Variants in KDM2B observed in about 807,000 individuals in gnomAD.
KDM2B encodes the protein lysine demethylase 2B, also known as lysine-specific demethylase 2B.
Under a neutral mutation model 150.0 loss-of-function variants are expected in KDM2B, and 26 were observed. The observed-to-expected ratio is 0.17, with a 90% CI of 0.13 to 0.24. KDM2B has a LOEUF of 0.24. Ranked by LOEUF, KDM2B falls within the 10% of genes least tolerant of loss-of-function variation. KDM2B has a pLI of 1.00. For synonymous variants in KDM2B, 734 were observed against 729.5 expected (o/e 1.01, Z -0.10); for missense variants, 1,265 against 1,816.9 (o/e 0.70, Z 5.52).
chr12:121,422,703 T>A, the KDM2B span, among the ~76,000 whole-genome samples: 1 of 152,238 alleles, frequency 6.6e-6, no homozygotes, highest in Non-Finnish European at 1.5e-5. Flanking sequence ...CATAGCCCTA[T>A]GGCCAAATCT....
At chr12:121,500,045 CTG>C (rs1245428473) in intron 11 of KDM2B, among the ~76,000 whole-genome samples, 1 of 152,104 alleles carries the variant, frequency 6.6e-6, no homozygotes, top group Admixed American at 6.6e-5. Context: ...CCGTTTCCCT[CTG>C]TGTGTGGCCC....
At chr12:121,464,890 G>A (rs1456076836) in intron 12 of KDM2B, among the ~76,000 whole-genome samples, 1 of 152,172 alleles carries the variant, frequency 6.6e-6, no homozygotes, top group African/African-American at 2.4e-5. Context: ...AAATGCTTTC[G>A]AGGTCCTCAG....
At position 121,549,902 on chromosome 12, in the gene KDM2B, A is replaced by G. The variant is rs1358099906; in HGVS notation, c.398-264T>C. 2.0e-5 allele frequency among the ~76,000 whole-genome samples: 3 copies of G among 152,230 alleles called. No homozygotes were observed. Among genetic ancestry groups the G allele is most frequent in the African/African-American group, 7.2e-5 (3 of 41,460 alleles). On this transcript the variant is annotated intron_variant, in intron 4 of 22. Transcript: ENST00000377071. The surrounding 1 kb of genome is among the most constrained non-coding windows in gnomAD (Gnocchi z 4.4). The stretch of plus-strand genomic sequence containing the variant: ...CCTAAAGGGGCCCAAGCAGCTGGGC[A>G]TGGTGGCTTAAGGCTGTAATCCCAG...
intron 9 of KDM2B, chr12:121,516,811 G>C (rs1037421660): frequency 8.5e-6 from 5 of 589,316 alleles, no homozygotes; most frequent in Admixed American, 5.6e-5. Context: ...TCAAGGACTT[G>C]AAAAAGTCAA....
At chr12:121,420,671 A>G in the KDM2B span, 1 of 1,614,166 alleles carries the variant, frequency 6.2e-7, no homozygotes, top group Admixed American at 1.7e-5. Flanking sequence ...CAGCTGAAGG[A>G]AATTCTGGCT....
intron 11 of KDM2B, 97 bp downstream of exon 11, chr12:121,509,470 G>T: frequency 6.5e-7 from 1 of 1,532,130 alleles, no homozygotes; most frequent in Non-Finnish European, 8.7e-7. Context: ...AGAGCAATCT[G>T]CACAGAGCCA....
At chr12:121,564,811 T>G (rs1023083269) in intron 4 of KDM2B, among the ~76,000 whole-genome samples, 3 of 144,212 alleles carry the variant, frequency 2.1e-5, no homozygotes, top group Non-Finnish European at 4.4e-5. Flanking sequence ...GACAAGGCAA[T>G]CTTTTTTTTT....
chr12:121,416,142 T>A, the KDM2B span: 11 of 1,606,992 alleles, frequency 6.8e-6, no homozygotes, highest in Non-Finnish European at 8.5e-6. Context: ...AACTGTGGGA[T>A]TTGTGTTCCT....
chr12:121,557,611 G>C (rs1477472816), intron 4 of KDM2B, among the ~76,000 whole-genome samples: 1 of 152,164 alleles, frequency 6.6e-6, no homozygotes, highest in African/African-American at 2.4e-5. Flanking sequence ...AGAGATCAGA[G>C]TGACGCAGCT....
chr12:121,572,620 A>G (rs1472956624), intron 4 of KDM2B, among the ~76,000 whole-genome samples: 1 of 152,092 alleles, frequency 6.6e-6, no homozygotes, highest in Non-Finnish European at 1.5e-5. Context: ...GTTTATTTTT[A>G]CATAGCCCTG....
intron 13 of KDM2B, among the ~76,000 whole-genome samples, chr12:121,446,217 A>C (rs965850373): frequency 1.3e-5 from 2 of 152,116 alleles, no homozygotes; most frequent in African/African-American, 2.4e-5. Flanking sequence ...ACCACGGTGA[A>C]ACCCCGTCTC....
chr12:121,472,551 T>C (rs1880879537), intron 12 of KDM2B, among the ~76,000 whole-genome samples: 1 of 152,248 alleles, frequency 6.6e-6, no homozygotes, highest in Non-Finnish European at 1.5e-5. Context: ...AGCTTTCTGT[T>C]AAGTGAGAAT....
intron 12 of KDM2B, among the ~76,000 whole-genome samples, chr12:121,491,567 C>T (rs1883353505): frequency 6.6e-6 from 1 of 151,848 alleles, no homozygotes. Context: ...CCGAGGTGGG[C>T]ACATCACCTA....
At chr12:121,445,119 T>C in intron 14 of KDM2B, 156 bp downstream of exon 14, 1 of 799,146 alleles carries the variant, frequency 1.3e-6, no homozygotes, top group Non-Finnish European at 1.9e-6. Context: ...AGGCCCTCCT[T>C]GCCCCGGGCT....
rs551417373 is a variant in KDM2B, at chr12:121,533,409, G to A, written c.778-450C>T. ...TTCCTCCCAGAATTTCTTCCAACAC[G>A]TTCAGTTAAAACAAACGCACATGCA... is the stretch of plus-strand genomic sequence containing the variant. On this transcript the variant is annotated intron_variant, in intron 7 of 22. Coordinates refer to ENST00000377071, the MANE Select transcript of KDM2B (RefSeq NM_032590.5). The surrounding 1 kb of genome is among the most constrained non-coding windows in gnomAD (Gnocchi z 4.1). Among the ~76,000 whole-genome samples the A allele has an allele frequency of 7.2e-5, 11 of 152,252 alleles. No individual in the cohort carries two copies. Among genetic ancestry groups the A allele is most frequent in the South Asian group, 4.1e-4 (2 of 4,824 alleles).
chr12:121,565,815 C>T (rs1430496046), intron 4 of KDM2B, among the ~76,000 whole-genome samples: 4 of 151,922 alleles, frequency 2.6e-5, no homozygotes, highest in Admixed American at 1.3e-4. Flanking sequence ...TTAGTAGAGA[C>T]GGGGTTTCAC....
intron 4 of KDM2B, among the ~76,000 whole-genome samples, chr12:121,567,706 CTTTT>C (rs1180847689): frequency 3.3e-5 from 4 of 120,920 alleles, no homozygotes; most frequent in Admixed American, 8.5e-5. Context: ...AAATACATTT[CTTTT>C]TTTTTTTTTT....
intron 12 of KDM2B, among the ~76,000 whole-genome samples, chr12:121,489,247 G>GTTTTATTTA (rs1299819017): frequency 2.6e-5 from 4 of 151,970 alleles, no homozygotes; most frequent in African/African-American, 7.2e-5. Flanking sequence ...GCCCGGCCGG[G>GTTTTATTTA]TTTTATTTAT....
intron 12 of KDM2B, among the ~76,000 whole-genome samples, chr12:121,471,849 A>G (rs548932724): frequency 1.1e-4 from 17 of 152,314 alleles, no homozygotes; most frequent in Admixed American, 4.6e-4. Context: ...CATGCCCCTA[A>G]GAAGGGAACA....
Sources: gnomAD v4.1 joint callset for allele counts (sites outside exome capture counted in the v4.1 genomes callset) on GRCh38, gnomAD v4.1.1 for gene constraint, Gnocchi (gnomAD v3.1) non-coding constraint, MANE v1.5 for transcripts, NCBI Gene and HGNC (gene_info 2026-07-23, HGNC 2026-07-21) for gene names.